The following RNF11 variants were observed in gnomAD, a reference collection of about 807,000 sequenced individuals.
RNF11 encodes ring finger protein 11.
Under a neutral mutation model 15.8 loss-of-function variants are expected in RNF11, and 4 were observed. That is an observed-to-expected ratio of 0.25 (90% CI 0.12 to 0.58). The LOEUF (loss-of-function observed/expected upper bound fraction) is 0.58, where lower values mean the gene tolerates loss of function less well. Among genes scored for constraint, RNF11 ranks in the 20% least tolerant of loss-of-function variants. RNF11 has a pLI of 0.91. For missense variants in RNF11, 139 were observed against 194.4 expected, an observed-to-expected ratio of 0.71 and a Z score of 1.70; for synonymous variants, 68 against 72.3, an observed-to-expected ratio of 0.94 and a Z score of 0.30.
intron 1 of RNF11, among the ~76,000 whole-genome samples, chr1:51,256,889 G>A (rs1646906373): frequency 6.6e-6 from 1 of 152,152 alleles, no homozygotes; most frequent in Non-Finnish European, 1.5e-5. Context: ...GGCCAGGCTG[G>A]TTTCAAACTC....
chr1:51,257,091 G>A (rs1260996100), intron 1 of RNF11, among the ~76,000 whole-genome samples: 1 of 152,142 alleles, frequency 6.6e-6, no homozygotes, highest in East Asian at 1.9e-4. Context: ...AGGTGTGTGT[G>A]GTATTTTTTG....
chr1:51,243,915 T>G (rs982622024), intron 1 of RNF11, among the ~76,000 whole-genome samples: 2 of 152,226 alleles, frequency 1.3e-5, no homozygotes, highest in Admixed American at 1.3e-4. Flanking sequence ...TCTTCTGCTT[T>G]CCTGTCTTTG....
Position 51,236,851 on chromosome 1 carries a change from C to T in RNF11, c.95C>T (p.Pro32Leu), listed in dbSNP as rs756914741. The T allele has an allele frequency of 6.2e-7, 1 of 1,611,366 alleles. No individual in the cohort carries two copies. Among genetic ancestry groups the T allele is most frequent in the East Asian group, 2.2e-5 (1 of 44,654 alleles). The change falls in exon 1 of 3, where the codon CCG (proline) becomes CTG (leucine). Residue 32 changes from proline (P) to leucine (L), a missense_variant. Coordinates refer to ENST00000242719, the MANE Select transcript of RNF11 (RefSeq NM_014372.5). Reference protein sequence around the residue: ...DRASFGEGTEPDQEPPPPYQE... With the variant: ...DRASFGEGTELDQEPPPPYQE... Reference sequence around the variant, plus strand: ...GCTAGCTTTGGCGAGGGGACGGAGCCGGATCAGGAGCCGCCGCCGCCATAT... The same window carrying T: ...GCTAGCTTTGGCGAGGGGACGGAGCTGGATCAGGAGCCGCCGCCGCCATAT...
intron 1 of RNF11, among the ~76,000 whole-genome samples, chr1:51,241,599 AAG>A (rs1234408807): frequency 1.3e-5 from 2 of 152,202 alleles, no homozygotes; most frequent in Non-Finnish European, 2.9e-5. Flanking sequence ...GGGGGAGAAA[AAG>A]AAAGTACTTG....
chr1:51,237,259 A>G (rs1014616598), intron 1 of RNF11, among the ~76,000 whole-genome samples: 7 of 151,610 alleles, frequency 4.6e-5, no homozygotes, highest in Admixed American at 4.6e-4. Flanking sequence ...GTGGTTGCCA[A>G]GCACCACCCC....
chr1:51,250,090 T>G (rs1232731905), intron 1 of RNF11, among the ~76,000 whole-genome samples: 1 of 152,190 alleles, frequency 6.6e-6, no homozygotes, highest in African/African-American at 2.4e-5. Context: ...AATATGAGAG[T>G]TTCATTTGTG....
intron 1 of RNF11, among the ~76,000 whole-genome samples, chr1:51,257,566 G>A (rs1161769677): frequency 1.3e-5 from 2 of 151,870 alleles, no homozygotes; most frequent in African/African-American, 4.8e-5. Context: ...AGCTATTCTT[G>A]TGCCTCAGCC....
intron 1 of RNF11, among the ~76,000 whole-genome samples, chr1:51,253,352 C>T (rs1331236619): frequency 1.3e-5 from 2 of 151,734 alleles, no homozygotes; most frequent in Non-Finnish European, 2.9e-5. Flanking sequence ...TACTGACACC[C>T]CATCTCTACA....
chr1:51,261,443 G>A (rs1353498310), intron 1 of RNF11, among the ~76,000 whole-genome samples: 1 of 152,192 alleles, frequency 6.6e-6, no homozygotes, highest in Non-Finnish European at 1.5e-5. Flanking sequence ...TGAACTCTGA[G>A]TCACAGAGTT....
At chr1:51,244,647 T>TA (rs925463956) in intron 1 of RNF11, among the ~76,000 whole-genome samples, 8 of 152,316 alleles carry the variant, frequency 5.3e-5, no homozygotes, top group Admixed American at 5.2e-4. Flanking sequence ...GTGCTGGGAT[T>TA]ACAAGCGTGA....
chr1:51,252,025 C>T (rs1258432050), intron 1 of RNF11, among the ~76,000 whole-genome samples: 2 of 132,010 alleles, frequency 1.5e-5, no homozygotes, highest in East Asian at 4.7e-4. Flanking sequence ...CGCAGTGAGC[C>T]AAGATCATGC....
At chr1:51,253,111 C>T (rs898212363) in intron 1 of RNF11, among the ~76,000 whole-genome samples, 4 of 152,056 alleles carry the variant, frequency 2.6e-5, no homozygotes, top group South Asian at 4.2e-4. Context: ...AGATGCGATC[C>T]ACCACGCCCG....
intron 1 of RNF11, among the ~76,000 whole-genome samples, chr1:51,266,676 T>G (rs1297207006): frequency 6.6e-6 from 1 of 152,158 alleles, no homozygotes; most frequent in Middle Eastern, 3.2e-3. Flanking sequence ...TTGCCCAGGC[T>G]GGTCTCAAAC....
chr1:51,259,429 A>C (rs527307410), intron 1 of RNF11, among the ~76,000 whole-genome samples: 1 of 152,232 alleles, frequency 6.6e-6, no homozygotes. Context: ...AGGCGTGGAA[A>C]TATTTAGCAC....
chr1:51,250,975 A>T, intron 1 of RNF11: 2 of 1,354,482 alleles, frequency 1.5e-6, no homozygotes. Flanking sequence ...TTCCCCCAGT[A>T]GCCTCTGCGC....
At chr1:51,264,317 T>C (rs77606019) in intron 1 of RNF11, among the ~76,000 whole-genome samples, 6,732 of 74,826 alleles carry the variant, frequency 0.09, 466 homozygotes, top group African/African-American at 0.19. Flanking sequence ...TATATATATA[T>C]ACACACACAC....
chr1:51,259,339 C>CTTAA (rs1646919545), intron 1 of RNF11, among the ~76,000 whole-genome samples: 1 of 152,132 alleles, frequency 6.6e-6, no homozygotes, highest in Non-Finnish European at 1.5e-5. Flanking sequence ...CAGTTAGGTC[C>CTTAA]TTAATTAAGT....
chr1:51,248,802 T>G (rs1157139710), intron 1 of RNF11, among the ~76,000 whole-genome samples: 1 of 152,198 alleles, frequency 6.6e-6, no homozygotes, highest in Non-Finnish European at 1.5e-5. Flanking sequence ...CTGCCCTGAT[T>G]AAATTGAGTG....
intron 1 of RNF11, among the ~76,000 whole-genome samples, chr1:51,249,666 G>A (rs925606991): frequency 1.3e-5 from 2 of 152,112 alleles, no homozygotes; most frequent in African/African-American, 4.8e-5. Flanking sequence ...TTGCTATGCA[G>A]TATTCAAAAT....
Sources: gnomAD v4.1 joint callset for allele counts (sites outside exome capture counted in the v4.1 genomes callset) on GRCh38, gnomAD v4.1.1 for gene constraint, MANE v1.5 for transcripts, NCBI Gene and HGNC (gene_info 2026-07-23, HGNC 2026-07-21) for gene names.